Variants in BTBD3 observed in about 807,000 individuals in gnomAD.
The protein encoded by BTBD3 is BTB domain containing 3, also known as BTB/POZ domain-containing protein 3.
BTBD3 carries 14 observed loss-of-function variants against 41.6 expected under a neutral mutation model. That is an observed-to-expected ratio of 0.34 (90% CI 0.22 to 0.53). The LOEUF is 0.53. Among genes scored for constraint, BTBD3 ranks in the 20% least tolerant of loss-of-function variants. The pLI is 0.95. For synonymous variants in BTBD3, 249 were observed against 233.7 expected, an observed-to-expected ratio of 1.07 and a Z score of -0.60; for missense variants, 426 against 654.7, an observed-to-expected ratio of 0.65 and a Z score of 3.81.
rs199928119 is a variant in BTBD3 at position 11,918,343 on chromosome 20, A to G, written c.68A>G (p.Lys23Arg). The G allele has an allele frequency of 3.7e-6, 6 of 1,613,420 alleles. No homozygotes were observed. In the East Asian group the frequency reaches 8.9e-5, roughly 24 times the overall value. Residue 23 changes from lysine to arginine, a missense_variant, in exon 1 of 4, where the codon AAG (lysine) becomes AGG (arginine). Physicochemically the swap from Lys to Arg is conservative, Grantham distance 26 (BLOSUM62 2). Coordinates refer to ENST00000378226, the MANE Select transcript of BTBD3 (RefSeq NM_014962.4). Reference protein sequence around the residue: ...TFFLMLPETVKNRSKKSSKKA... With the variant: ...TFFLMLPETVRNRSKKSSKKA... ...TTCTTGATGCTTCCAGAGACGGTAA[A>G]GAACAGGTCCAAGAAAAGCTCAAAG...
intron 1 of BTBD3, among the ~76,000 whole-genome samples, chr20:11,891,658 G>A (rs193252552): frequency 0.012 from 1,851 of 152,284 alleles, 16 homozygotes; most frequent in Non-Finnish European, 0.018. Flanking sequence ...TCGGGAAGAA[G>A]GATGTTTGCT....
intron 1 of BTBD3, among the ~76,000 whole-genome samples, chr20:11,900,336 T>C (rs145490061): frequency 7.2e-5 from 11 of 152,364 alleles, no homozygotes; most frequent in Non-Finnish European, 1.0e-4. Flanking sequence ...TATGTATCTT[T>C]CTGATGATAA....
intron 1 of BTBD3, among the ~76,000 whole-genome samples, chr20:11,893,504 C>A (rs182221705): frequency 6.6e-6 from 1 of 152,328 alleles, no homozygotes; most frequent in Admixed American, 6.5e-5. Context: ...TCCCTTCTTT[C>A]ATCACACATT....
chr20:11,906,341 T>C (rs1380829844), intron 1 of BTBD3, among the ~76,000 whole-genome samples: 1 of 141,584 alleles, frequency 7.1e-6, no homozygotes, highest in Non-Finnish European at 1.5e-5. Flanking sequence ...CGGTGCTCAC[T>C]GCAACCTCTG....
rs2057019476 is a variant in BTBD3, at chr20:11,926,366, T to A, written c.*2700T>A. ...AATTATTGCACTGAACTTTTTTGTT[T>A]ATTAAGGTGTTTAAATAAGCTCAGC... is the stretch of plus-strand genomic sequence containing the variant. On this transcript the variant is annotated 3_prime_UTR_variant, in exon 4 of 4. Transcript: ENST00000378226. The A allele has an allele frequency of 6.6e-6, 1 of 152,640 alleles. No individual in the cohort carries two copies. Among genetic ancestry groups the A allele is most frequent in the Admixed American group, 6.5e-5 (1 of 15,278 alleles). The allele number at this position is 152,640 out of a possible 1,614,324, so 9.5% of individuals were successfully genotyped here.
At position 11,924,425 on chromosome 20, in the gene BTBD3, CCTA is replaced by C. The variant is rs1451123971; in HGVS notation, c.*763_*765del. 2.0e-5 allele frequency: 3 copies of C among 152,158 alleles called. No homozygotes were observed. Among genetic ancestry groups the C allele is most frequent in the Non-Finnish European group, 2.9e-5 (2 of 68,000 alleles). 9.4% of individuals were successfully genotyped at this position (152,158 alleles called of 1,614,324 possible). On this transcript the variant is annotated 3_prime_UTR_variant, in exon 4 of 4. Transcript: ENST00000378226. The stretch of plus-strand genomic sequence containing the variant: ...ATTGTCAGTAGAAAAAAGTTAAACT[CCTA>C]CTAATTTAAACTAAGACAGTTTAAA...
chr20:11,916,227 G>A (rs972278926), upstream of BTBD3, among the ~76,000 whole-genome samples: 7 of 152,166 alleles, frequency 4.6e-5, no homozygotes, highest in African/African-American at 1.7e-4. Flanking sequence ...CAAGGAAGTG[G>A]TCAAGGAAGT....
Position 11,918,045 on chromosome 20 carries a change from T to G in BTBD3, c.-231T>G, listed in dbSNP as rs1449751516. ...GGAAACAGTTATTTTTATGAGCAAA[T>G]AAGAGAAACAGGAATCATGATGGGG... On this transcript the variant is annotated 5_prime_UTR_variant, in exon 1 of 4. An upstream open reading frame in the 5' UTR loses its in-frame stop. Transcript: ENST00000378226. 1 of 1,268,204 alleles carries G rather than the reference T, an allele frequency of 7.9e-7. No homozygotes were observed. The highest frequency in any genetic ancestry group is 3.1e-5 in the East Asian group (1 of 31,828). The allele number at this position is 1,268,204 out of a possible 1,614,324, so 78.6% of individuals were successfully genotyped here.
rs200291377 is a variant in BTBD3, at chr20:11,920,413, TAGAA to T, written c.536+581_536+584del. On this transcript the variant is annotated intron_variant, in intron 3 of 3. Transcript: ENST00000378226. ...GCATTTGACATTACAGGGGAAATCT[TAGAA>T]AGATATGGATAGTCTCGTACAGTTT... Among the ~76,000 whole-genome samples, 15 of 152,336 alleles carry T rather than the reference TAGAA, an allele frequency of 9.8e-5. No homozygotes were observed. In the East Asian group the frequency reaches 2.3e-3, roughly 24 times the overall value.
Position 11,918,103 on chromosome 20 carries a change from T to G in BTBD3, c.-173T>G, listed in dbSNP as rs1408974525. ...TAACAGACCCAGTACTGGATAAAAC[T>G]TAAAGCCAGTTTCTATTCAACATAG... On this transcript the variant is annotated 5_prime_UTR_variant, in exon 1 of 4. Transcript: ENST00000378226. 1.4e-6 allele frequency: 2 copies of G among 1,452,780 alleles called. No homozygotes were observed. Among genetic ancestry groups the G allele is most frequent in the Non-Finnish European group, 1.8e-6 (2 of 1,113,194 alleles). The allele number at this position is 1,452,780 out of a possible 1,614,324, so 90.0% of individuals were successfully genotyped here. A position where few individuals can be genotyped will look rare whatever the true frequency, so the allele number is the denominator to read the frequency against.
chr20:11,905,932 G>T (rs1347252371), intron 1 of BTBD3, among the ~76,000 whole-genome samples: 1 of 152,038 alleles, frequency 6.6e-6, no homozygotes, highest in Non-Finnish European at 1.5e-5. Flanking sequence ...TGCTTAAAAG[G>T]CTTCATACTT....
At chr20:11,896,856 T>G (rs182020795) in intron 1 of BTBD3, among the ~76,000 whole-genome samples, 111 of 152,328 alleles carry the variant, frequency 7.3e-4, no homozygotes, top group Admixed American at 1.2e-3. Context: ...TAGTATAACA[T>G]ATTCAATGCA....
chr20:11,905,394 C>T (rs999777246), intron 1 of BTBD3, among the ~76,000 whole-genome samples: 1 of 152,136 alleles, frequency 6.6e-6, no homozygotes, highest in Admixed American at 6.5e-5. Context: ...TTTGTGCATA[C>T]TTCCCAATTT....
chr20:11,910,506 ACC>A (rs1232909505), intron 1 of BTBD3: 4 of 99,898 alleles, frequency 4.0e-5, no homozygotes, highest in Non-Finnish European at 8.6e-5. Flanking sequence ...ATTTTCAAGT[ACC>A]TAGTAGAAAG....
intron 1 of BTBD3, among the ~76,000 whole-genome samples, chr20:11,895,784 T>C (rs747717362): frequency 1.1e-4 from 16 of 152,224 alleles, no homozygotes; most frequent in Non-Finnish European, 2.1e-4. Flanking sequence ...ACTGACCTTA[T>C]TTTAACCTGT....
At chr20:11,922,075 CAAAT>C (rs1267946665) in intron 3 of BTBD3, among the ~76,000 whole-genome samples, 6 of 152,120 alleles carry the variant, frequency 3.9e-5, no homozygotes, top group Admixed American at 6.5e-5. Flanking sequence ...AAAACAAAAA[CAAAT>C]AAAAAGTCTG....
intron 1 of BTBD3, among the ~76,000 whole-genome samples, chr20:11,901,265 G>C (rs2056822252): frequency 1.3e-5 from 2 of 152,188 alleles, no homozygotes; most frequent in African/African-American, 2.4e-5. Flanking sequence ...TCAGTGTTGG[G>C]TGGAGGTGCA....
upstream of BTBD3, chr20:11,913,418 A>G (rs1023823399): frequency 2.0e-5 from 3 of 151,734 alleles, no homozygotes; most frequent in East Asian, 5.8e-4. Flanking sequence ...GTGTGCCCCT[A>G]CAGGGGTGCA....
At chr20:11,890,834 C>T (rs1408975735) in exon 1 of BTBD3, 2 of 984,992 alleles carry the variant, frequency 2.0e-6, no homozygotes, top group Non-Finnish European at 1.2e-6. Context: ...GCCCTGCGTG[C>T]GGGTGCCCGC....
Sources: gnomAD v4.1 joint callset for allele counts (sites outside exome capture counted in the v4.1 genomes callset) on GRCh38, gnomAD v4.1.1 for gene constraint, MANE v1.5 for transcripts, NCBI Gene and HGNC (gene_info 2026-07-23, HGNC 2026-07-21) for gene names.